The following AGMO variants were observed in gnomAD, a reference collection of about 807,000 sequenced individuals.
The protein encoded by AGMO is alkylglycerol monooxygenase, also known as glyceryl-ether monooxygenase.
In AGMO, 75 loss-of-function variants were observed where a neutral mutation model predicts 60.2. The observed-to-expected ratio is 1.25, with a 90% CI of 1.03 to 1.51. AGMO has a LOEUF of 1.51. Ranked by LOEUF, AGMO falls within the 40% of genes most tolerant of loss-of-function variation. The pLI, the probability that AGMO is intolerant of heterozygous loss-of-function variation, is 0.00. For synonymous variants in AGMO, 261 were observed against 177.1 expected (o/e 1.47, Z -3.76); for missense variants, 763 against 525.5 (o/e 1.45, Z -4.42).
At chr7:15,222,544 G>A (rs1416575454) in intron 12 of AGMO, among the ~76,000 whole-genome samples, 1 of 152,138 alleles carries the variant, frequency 6.6e-6, no homozygotes, top group East Asian at 1.9e-4. Flanking sequence ...GAAATGGTCA[G>A]TAGTTATTAG....
chr7:15,542,069 G>C (rs1784644226), intron 3 of AGMO, among the ~76,000 whole-genome samples: 1 of 151,952 alleles, frequency 6.6e-6, no homozygotes, highest in African/African-American at 2.4e-5. Flanking sequence ...CAAGAAATTT[G>C]ATATTATATG....
At chr7:15,146,308 T>C in the AGMO span, among the ~76,000 whole-genome samples, 3 of 152,194 alleles carry the variant, frequency 2.0e-5, no homozygotes, top group African/African-American at 7.2e-5. Context: ...AAAGTAAGAA[T>C]GTACATAATT....
chr7:15,193,983 T>C, the AGMO span, among the ~76,000 whole-genome samples: 1 of 152,212 alleles, frequency 6.6e-6, no homozygotes, highest in African/African-American at 2.4e-5. Context: ...ATTATTTTTA[T>C]GTCCAACACA....
At chr7:15,341,090 G>C (rs1439901000) in intron 12 of AGMO, among the ~76,000 whole-genome samples, 1 of 152,112 alleles carries the variant, frequency 6.6e-6, no homozygotes, top group Non-Finnish European at 1.5e-5. Context: ...AATCATTTCA[G>C]AGCTTGAAGG....
intron 12 of AGMO, among the ~76,000 whole-genome samples, chr7:15,267,903 C>T (rs1379205413): frequency 6.6e-6 from 1 of 151,732 alleles, no homozygotes; most frequent in African/African-American, 2.4e-5. Context: ...CCGAGTAATG[C>T]CAGAGAAAAT....
intron 3 of AGMO, among the ~76,000 whole-genome samples, chr7:15,434,584 A>G (rs1203113100): frequency 2.0e-5 from 3 of 152,146 alleles, no homozygotes; most frequent in Admixed American, 2.0e-4. Flanking sequence ...TCCTCAGTCC[A>G]AGCCTCATGA....
chr7:15,403,204 C>A (rs1156329136), intron 5 of AGMO, among the ~76,000 whole-genome samples: 2 of 151,894 alleles, frequency 1.3e-5, no homozygotes, highest in Non-Finnish European at 2.9e-5. Flanking sequence ...AGTTCCCTTT[C>A]CAAGTCTCAA....
At chr7:15,119,007 T>A in the AGMO span, among the ~76,000 whole-genome samples, 5 of 150,894 alleles carry the variant, frequency 3.3e-5, no homozygotes, top group African/African-American at 1.2e-4. Context: ...TTCCTTCTTT[T>A]GACCTTTATA....
At chr7:15,395,877 T>C (rs1784355832) in intron 5 of AGMO, among the ~76,000 whole-genome samples, 2 of 152,202 alleles carry the variant, frequency 1.3e-5, no homozygotes, top group African/African-American at 2.4e-5. Flanking sequence ...CAATTTACAG[T>C]TGCTCAATAC....
intron 3 of AGMO, among the ~76,000 whole-genome samples, chr7:15,453,813 C>G (rs1283011352): frequency 1.3e-5 from 2 of 151,998 alleles, no homozygotes; most frequent in Non-Finnish European, 2.9e-5. Flanking sequence ...CTTCTCATCC[C>G]AGCTCCACTA....
At chr7:15,378,131 A>G (rs1012736280) in intron 10 of AGMO, among the ~76,000 whole-genome samples, 1 of 152,024 alleles carries the variant, frequency 6.6e-6, no homozygotes, top group Non-Finnish European at 1.5e-5. Flanking sequence ...ACAAAATGGA[A>G]ACAAGAATCT....
intron 2 of AGMO, among the ~76,000 whole-genome samples, chr7:15,551,488 A>G (rs1262213173): frequency 6.0e-5 from 9 of 149,600 alleles, no homozygotes; most frequent in African/African-American, 2.0e-4. Flanking sequence ...TACAAAATCA[A>G]TGTGCAAAAA....
intron 12 of AGMO, among the ~76,000 whole-genome samples, chr7:15,220,268 G>A (rs1331664035): frequency 2.7e-5 from 4 of 146,034 alleles, no homozygotes; most frequent in African/African-American, 1.0e-4. Context: ...CCCCAGGCTG[G>A]AGTGCAGTGG....
chr7:15,210,583 T>C (rs1036745369), intron 12 of AGMO, among the ~76,000 whole-genome samples: 1 of 152,108 alleles, frequency 6.6e-6, no homozygotes, highest in African/African-American at 2.4e-5. Context: ...CTAAAGGAAT[T>C]GGAGCTTCAG....
rs556590875 is a variant in AGMO at position 15,547,465 on chromosome 7, G to A, written c.258-2542C>T. ...GCGCAGGTCAGTGGGTGCGCGCACC[G>A]TGCGCGAGCCGAAGCAGGGCAAGGC... is the stretch of plus-strand genomic sequence containing the variant. On this transcript the variant is annotated intron_variant, in intron 2 of 12. Transcript: ENST00000342526. Among the ~76,000 whole-genome samples the A allele has an allele frequency of 3.9e-3, 591 of 152,166 alleles. 4 individuals carry two copies. Among genetic ancestry groups the A allele is most frequent in the African/African-American group, 0.013 (543 of 41,484 alleles).
At chr7:15,274,595 C>G (rs1042243039) in intron 12 of AGMO, among the ~76,000 whole-genome samples, 2 of 151,638 alleles carry the variant, frequency 1.3e-5, no homozygotes, top group Non-Finnish European at 2.9e-5. Flanking sequence ...TTTATAAAAT[C>G]AGTCAAGAAA....
chr7:15,529,609 T>TATATAGA (rs1491439513), intron 3 of AGMO, among the ~76,000 whole-genome samples: 2 of 16,162 alleles, frequency 1.2e-4, no homozygotes, highest in African/African-American at 5.9e-4. Context: ...ATATATAGAG[T>TATATAGA]ATATATATAG....
At chr7:15,151,378 T>C in the AGMO span, among the ~76,000 whole-genome samples, 5 of 152,092 alleles carry the variant, frequency 3.3e-5, no homozygotes, top group Admixed American at 1.3e-4. Context: ...GGGGTTGGTT[T>C]GCTCTTGTTT....
chr7:15,322,559 TATATAAATATATATAA>T (rs1781167913), intron 12 of AGMO, among the ~76,000 whole-genome samples: 14 of 47,810 alleles, frequency 2.9e-4, no homozygotes, highest in African/African-American at 1.5e-3. Flanking sequence ...TATATATAAA[TATATAAATATATATAA>T]ATATATATAA....
Sources: gnomAD v4.1 joint callset for allele counts (sites outside exome capture counted in the v4.1 genomes callset) on GRCh38, gnomAD v4.1.1 for gene constraint, MANE v1.5 for transcripts, NCBI Gene and HGNC (gene_info 2026-07-23, HGNC 2026-07-21) for gene names.